The following TXNDC16 variants were observed in gnomAD, a reference collection of about 807,000 sequenced individuals.
The protein encoded by TXNDC16 is thioredoxin domain-containing protein 16.
Under a neutral mutation model 85.6 loss-of-function variants are expected in TXNDC16, and 74 were observed. The ratio of observed to expected loss-of-function variants is 0.86; its 90% CI spans 0.72 to 1.05. The LOEUF is 1.05. TXNDC16 is among the 50% of genes least tolerant of loss of function. TXNDC16 has a pLI of 0.00. For missense variants in TXNDC16, 959 were observed against 947.0 expected, an observed-to-expected ratio of 1.01 and a Z score of -0.17; for synonymous variants, 335 against 326.5, an observed-to-expected ratio of 1.03 and a Z score of -0.28.
At chr14:52,448,351 T>G (rs972306095) in intron 18 of TXNDC16, among the ~76,000 whole-genome samples, 2 of 151,600 alleles carry the variant, frequency 1.3e-5, no homozygotes, top group African/African-American at 2.4e-5. Flanking sequence ...GACTTTTCAG[T>G]GGAAACCTTA....
chr14:52,540,462 T>C (rs918857772), intron 4 of TXNDC16, among the ~76,000 whole-genome samples: 8 of 151,972 alleles, frequency 5.3e-5, no homozygotes, highest in African/African-American at 1.5e-4. Flanking sequence ...CCATCTCTAC[T>C]AAAACTACAA....
At chr14:52,497,098 C>T (rs2036549634) in intron 9 of TXNDC16, among the ~76,000 whole-genome samples, 2 of 151,594 alleles carry the variant, frequency 1.3e-5, no homozygotes, top group African/African-American at 4.8e-5. Flanking sequence ...GTACAACTAC[C>T]AATATTTTTC....
intron 9 of TXNDC16, among the ~76,000 whole-genome samples, chr14:52,500,234 T>C (rs2036624728): frequency 6.6e-6 from 1 of 152,118 alleles, no homozygotes; most frequent in East Asian, 1.9e-4. Flanking sequence ...AATGGATAAA[T>C]AAAATGCGGT....
At chr14:52,506,527 CTTTTTTTTTT>C (rs765293725) in intron 9 of TXNDC16, among the ~76,000 whole-genome samples, 1 of 97,552 alleles carries the variant, frequency 1.0e-5, no homozygotes, top group East Asian at 4.1e-4. Context: ...TTCAACAACC[CTTTTTTTTTT>C]TTTTTTTTTT....
intron 8 of TXNDC16, 90 bp downstream of exon 8, chr14:52,514,790 G>A (rs938188440): frequency 2.1e-5 from 19 of 898,668 alleles, no homozygotes; most frequent in Non-Finnish European, 3.3e-5. Context: ...CCCATGCTGT[G>A]GGAGCATAAT....
intron 10 of TXNDC16, among the ~76,000 whole-genome samples, 155 bp downstream of exon 10, chr14:52,490,684 T>A (rs1248221875): frequency 6.6e-6 from 1 of 152,218 alleles, no homozygotes; most frequent in Non-Finnish European, 1.5e-5. Context: ...CAACCTTAAA[T>A]GAATGTACAG....
chr14:52,535,411 C>T (rs1245251807), intron 6 of TXNDC16, among the ~76,000 whole-genome samples: 2 of 152,044 alleles, frequency 1.3e-5, no homozygotes, highest in Non-Finnish European at 2.9e-5. Flanking sequence ...ATTATTGGGA[C>T]TGGAACATTT....
rs1361218966 is a variant in TXNDC16 at position 52,432,311 on chromosome 14, A to G, written c.2471T>C (p.Val824Ala). 1 of 1,600,100 alleles carries G rather than the reference A, an allele frequency of 6.2e-7. No individual in the cohort carries two copies. The highest frequency in any genetic ancestry group is 8.5e-7 in the Non-Finnish European group (1 of 1,173,272). The change falls in exon 21 of 21, where the codon GTG becomes GCG. Residue 824 changes from valine (V) to alanine (A), a missense_variant. Coordinates refer to ENST00000281741, the MANE Select transcript of TXNDC16 (RefSeq NM_020784.3). ...RRDKELGCSK[V>A]N The stretch of plus-strand genomic sequence containing the variant: ...AACCACAGCCCTATAAAATTAGTTC[A>G]CTTTTGAGCATCCTAACTCTTTATC...
intron 17 of TXNDC16, 64 bp from the exon 18 acceptor site, chr14:52,455,526 T>A: frequency 1.0e-5 from 16 of 1,594,344 alleles, no homozygotes; most frequent in Non-Finnish European, 1.4e-5. Flanking sequence ...CATGAAAATC[T>A]AGGCTAGGAG....
At chr14:52,493,216 T>TATATATATATATATATATATTACAC in intron 9 of TXNDC16, among the ~76,000 whole-genome samples, 2 of 115,938 alleles carry the variant, frequency 1.7e-5, no homozygotes, top group African/African-American at 3.5e-5. Context: ...TATATATATA[T>TATATATATATATATATATATTACAC]ACACACACAC....
At chr14:52,521,817 T>C (rs1298581364) in intron 6 of TXNDC16, among the ~76,000 whole-genome samples, 1 of 152,230 alleles carries the variant, frequency 6.6e-6, no homozygotes, top group African/African-American at 2.4e-5. Context: ...CTCTCAACAA[T>C]ACTTCTGGAA....
Position 52,490,846 on chromosome 14 carries a change from A to T in TXNDC16, c.916T>A (p.Leu306Met). ...RLLGKAGVLL[L>M]LRDSLEVNIP... The stretch of plus-strand genomic sequence containing the variant: ...ATTCGATGTTTAAGATACCTTAACA[A>T]GAGTAGAACTCCTGCTTTTCCCAGA... Residue 306 changes from leucine to methionine, a missense_variant, in exon 10 of 21, where the codon TTG becomes ATG. Transcript: ENST00000281741. 6.2e-7 allele frequency: 1 copy of T among 1,608,842 alleles called. No individual in the cohort carries two copies. The highest frequency in any genetic ancestry group is 8.5e-7 in the Non-Finnish European group (1 of 1,178,832).
intron 4 of TXNDC16, among the ~76,000 whole-genome samples, chr14:52,540,965 G>C (rs1331870868): frequency 6.6e-6 from 1 of 152,176 alleles, no homozygotes; most frequent in African/African-American, 2.4e-5. Context: ...GCCGGGTGCA[G>C]TGGCTCATGC....
intron 6 of TXNDC16, among the ~76,000 whole-genome samples, chr14:52,532,263 G>A (rs564206812): frequency 6.6e-6 from 1 of 152,088 alleles, no homozygotes; most frequent in Non-Finnish European, 1.5e-5. Context: ...TTATTCCAGA[G>A]GCTGAGGTGG....
chr14:52,462,960 T>C, intron 16 of TXNDC16: 1 of 455,912 alleles, frequency 2.2e-6, no homozygotes. Flanking sequence ...AGTCATTGAC[T>C]TTTTTCCTAC....
chr14:52,462,390 T>C (rs910422757), intron 16 of TXNDC16, among the ~76,000 whole-genome samples: 13 of 152,212 alleles, frequency 8.5e-5, no homozygotes, highest in African/African-American at 3.1e-4. Flanking sequence ...TCTTGGCTCA[T>C]TGCAATCTCC....
At chr14:52,502,593 G>A (rs1387432972) in intron 9 of TXNDC16, among the ~76,000 whole-genome samples, 2 of 152,180 alleles carry the variant, frequency 1.3e-5, no homozygotes, top group South Asian at 2.1e-4. Flanking sequence ...CTACAGGGGG[G>A]TGGAGCCAAG....
intron 8 of TXNDC16, 45 bp downstream of exon 8, chr14:52,514,834 GA>G (rs11387534): frequency 4.1e-4 from 537 of 1,311,676 alleles, no homozygotes; most frequent in South Asian, 7.1e-4. Flanking sequence ...AAGTGAAGAA[GA>G]AAAAAAAAAC....
rs1259491198 is a variant in TXNDC16, at chr14:52,547,874, A to C, written c.-181-3503T>G. On this transcript the variant is annotated intron_variant, in intron 1 of 20. Transcript: ENST00000281741. ...AGGAAGAACTACATATACAAAGGAAAGCATTTGTTGACGAGAGACTGTTCA... is the reference window on the plus strand; with the variant it reads ...AGGAAGAACTACATATACAAAGGAACGCATTTGTTGACGAGAGACTGTTCA... 2.0e-5 allele frequency among the ~76,000 whole-genome samples: 3 copies of C among 152,254 alleles called. No individual in the cohort carries two copies. In the East Asian group the frequency reaches 5.8e-4, roughly 29 times the overall value.
Sources: gnomAD v4.1 joint callset for allele counts (sites outside exome capture counted in the v4.1 genomes callset) on GRCh38, gnomAD v4.1.1 for gene constraint, MANE v1.5 for transcripts, NCBI Gene and HGNC (gene_info 2026-07-23, HGNC 2026-07-21) for gene names.